The following UNC13C variants were observed in gnomAD, a reference collection of about 807,000 sequenced individuals.
UNC13C encodes protein unc-13 homolog C.
In UNC13C, 174 loss-of-function variants were observed where a neutral mutation model predicts 245.4. That is an observed-to-expected ratio of 0.71 (90% CI 0.63 to 0.80). UNC13C has a LOEUF of 0.80. Among genes scored for constraint, UNC13C ranks in the 30% least tolerant of loss-of-function variants. The probability of loss-of-function intolerance (pLI) is 0.00; values close to 1 mark genes in which losing one functional copy is unlikely to be tolerated. For missense variants in UNC13C, 2,829 were observed against 2,602.9 expected (o/e 1.09, Z -1.89); for synonymous variants, 992 against 895.1 (o/e 1.11, Z -1.93).
the UNC13C span, among the ~76,000 whole-genome samples, chr15:53,965,146 C>T: frequency 1.3e-5 from 2 of 152,174 alleles, no homozygotes; most frequent in African/African-American, 4.8e-5. Flanking sequence ...AGGCATAAGA[C>T]GATGTGAACT....
chr15:54,210,917 G>C (rs1180464149), intron 4 of UNC13C, among the ~76,000 whole-genome samples: 1 of 152,094 alleles, frequency 6.6e-6, no homozygotes, highest in Non-Finnish European at 1.5e-5. Context: ...TTCACGGGGA[G>C]ACATTATATT....
intron 18 of UNC13C, among the ~76,000 whole-genome samples, chr15:54,395,314 G>A (rs894614803): frequency 4.6e-5 from 7 of 151,678 alleles, no homozygotes; most frequent in Admixed American, 6.6e-5. Flanking sequence ...ATACTGCATC[G>A]TCACATTTAT....
At chr15:54,075,375 C>CT (rs1898544290) in intron 2 of UNC13C, among the ~76,000 whole-genome samples, 1 of 151,732 alleles carries the variant, frequency 6.6e-6, no homozygotes, top group African/African-American at 2.4e-5. Flanking sequence ...GTTCCAGCCA[C>CT]TCGGGAGGCT....
intron 10 of UNC13C, among the ~76,000 whole-genome samples, chr15:54,279,861 A>G (rs1414218583): frequency 1.3e-5 from 2 of 152,164 alleles, no homozygotes. Flanking sequence ...TTATGCCTGT[A>G]TTTTGTTTAC....
intron 24 of UNC13C, among the ~76,000 whole-genome samples, chr15:54,514,228 G>A (rs961326587): frequency 3.3e-5 from 5 of 152,094 alleles, no homozygotes; most frequent in Non-Finnish European, 5.9e-5. Flanking sequence ...TTCACCCTTT[G>A]ATATGAGAAA....
intron 4 of UNC13C, among the ~76,000 whole-genome samples, chr15:54,200,944 A>G (rs1199554148): frequency 6.6e-6 from 1 of 152,122 alleles, no homozygotes; most frequent in East Asian, 1.9e-4. Flanking sequence ...AAGAAAAGAG[A>G]GAAGATCCAA....
At chr15:54,032,604 G>T (rs1896405643) in intron 2 of UNC13C, among the ~76,000 whole-genome samples, 1 of 152,154 alleles carries the variant, frequency 6.6e-6, no homozygotes, top group Non-Finnish European at 1.5e-5. Context: ...AGAACTCCAG[G>T]TTTTCTAGGC....
chr15:54,626,180 A>G (rs1430521203), intron 32 of UNC13C, among the ~76,000 whole-genome samples: 1 of 140,802 alleles, frequency 7.1e-6, no homozygotes, highest in Non-Finnish European at 1.6e-5. Context: ...CTTCTTTATT[A>G]TGTTGACACT....
chr15:54,125,194 T>C (rs7166391), intron 2 of UNC13C, among the ~76,000 whole-genome samples: 58,301 of 151,844 alleles, frequency 0.38, 11,310 homozygotes, highest in African/African-American at 0.42. Context: ...CCGGGCACAG[T>C]GGCTCACATC....
chr15:54,495,548 G>A (rs981286849), intron 20 of UNC13C, among the ~76,000 whole-genome samples: 1 of 151,876 alleles, frequency 6.6e-6, no homozygotes, highest in Non-Finnish European at 1.5e-5. Flanking sequence ...AAAGAAAAGG[G>A]AGAAAAAGCA....
At chr15:54,450,296 G>C (rs891288617) in intron 19 of UNC13C, among the ~76,000 whole-genome samples, 2 of 152,200 alleles carry the variant, frequency 1.3e-5, no homozygotes, top group Admixed American at 1.3e-4. Flanking sequence ...TCTCTTCAAA[G>C]CTGTCACACA....
At chr15:54,591,574 A>C (rs562139218) in intron 30 of UNC13C, among the ~76,000 whole-genome samples, 12 of 152,108 alleles carry the variant, frequency 7.9e-5, no homozygotes, top group African/African-American at 2.9e-4. Flanking sequence ...GTTTATGTAC[A>C]TAAAGTTGTT....
chr15:53,982,093 T>A (rs1893949889), intron 1 of UNC13C, among the ~76,000 whole-genome samples: 1 of 152,288 alleles, frequency 6.6e-6, no homozygotes, highest in African/African-American at 2.4e-5. Context: ...GAAGTATTTT[T>A]AAAAAGTAAT....
chr15:54,496,414 A>C (rs900401152), intron 20 of UNC13C, among the ~76,000 whole-genome samples: 1 of 152,096 alleles, frequency 6.6e-6, no homozygotes, highest in Non-Finnish European at 1.5e-5. Context: ...CTAAAAGTAG[A>C]TCTACCATTT....
chr15:53,980,201 C>T (rs999223536), intron 1 of UNC13C, among the ~76,000 whole-genome samples: 1 of 152,040 alleles, frequency 6.6e-6, no homozygotes, highest in Admixed American at 6.6e-5. Flanking sequence ...TCATTTTTGC[C>T]AAATGGTAGC....
chr15:54,143,067 C>T (rs1226406614), intron 3 of UNC13C, 27 bp downstream of exon 3: 3 of 1,599,320 alleles, frequency 1.9e-6, no homozygotes, highest in South Asian at 1.1e-5. Flanking sequence ...ATTCTTCCCT[C>T]CTGAGGAATC....
the UNC13C span, among the ~76,000 whole-genome samples, chr15:53,930,669 C>T: frequency 6.6e-6 from 1 of 152,244 alleles, no homozygotes; most frequent in East Asian, 1.9e-4. Context: ...ATTAGATCTG[C>T]CCCTTTGTAC....
chr15:54,115,155 T>G (rs900525818), intron 2 of UNC13C, among the ~76,000 whole-genome samples: 2 of 152,124 alleles, frequency 1.3e-5, no homozygotes, highest in African/African-American at 4.8e-5. Context: ...TTATCCTTCA[T>G]GACTTATGCT....
At chr15:54,552,344 TTATATTATATATTACAATG>T (rs1896776090) in intron 28 of UNC13C, among the ~76,000 whole-genome samples, 1 of 118,506 alleles carries the variant, frequency 8.4e-6, no homozygotes, top group African/African-American at 3.2e-5. Context: ...TTATATACAA[TTATATTATATATTACAATG>T]TATATTATAT....
Sources: gnomAD v4.1 joint callset for allele counts (sites outside exome capture counted in the v4.1 genomes callset) on GRCh38, gnomAD v4.1.1 for gene constraint, MANE v1.5 for transcripts, NCBI Gene and HGNC (gene_info 2026-07-23, HGNC 2026-07-21) for gene names.